ADGRL3: variants seen among roughly 807,000 people sequenced by gnomAD.
ADGRL3 encodes calcium-independent alpha-latrotoxin receptor 3.
A neutral mutation model predicts 153.5 loss-of-function variants in ADGRL3; 62 were observed. The observed-to-expected ratio is 0.40, with a 90% CI of 0.33 to 0.50. The LOEUF is 0.50. ADGRL3 is among the 20% of genes least tolerant of loss of function. The pLI, the probability that ADGRL3 is intolerant of heterozygous loss-of-function variation, is 0.47. For synonymous variants in ADGRL3, 710 were observed against 672.5 expected (o/e 1.06, Z -0.86); for missense variants, 1,641 against 1,859.4 (o/e 0.88, Z 2.16).
intron 1 of ADGRL3, among the ~76,000 whole-genome samples, chr4:61,232,943 T>C (rs966348672): frequency 6.6e-6 from 1 of 152,182 alleles, no homozygotes; most frequent in South Asian, 2.1e-4. Context: ...CTCATAGTTT[T>C]CTTGCCTCCA....
At chr4:61,441,602 C>G (rs335278) in intron 2 of ADGRL3, among the ~76,000 whole-genome samples, 141,194 of 151,548 alleles carry the variant, frequency 0.93, 66,618 homozygotes, top group East Asian at 1. Context: ...TCACTGCAAC[C>G]TCTGCCTCCT....
chr4:61,906,634 T>A (rs536791125), intron 11 of ADGRL3, among the ~76,000 whole-genome samples: 69 of 152,144 alleles, frequency 4.5e-4, no homozygotes, highest in African/African-American at 1.6e-3. Context: ...ATAGGAGCAA[T>A]ACAAATATAC....
chr4:61,309,746 AAGAT>A (rs2094928643), intron 1 of ADGRL3, among the ~76,000 whole-genome samples: 1 of 152,090 alleles, frequency 6.6e-6, no homozygotes, highest in African/African-American at 2.4e-5. Context: ...AAAAAAGTGA[AAGAT>A]AGGATTTAGT....
chr4:61,903,429 G>C (rs1380815900), intron 11 of ADGRL3, among the ~76,000 whole-genome samples: 2 of 152,122 alleles, frequency 1.3e-5, no homozygotes, highest in African/African-American at 4.8e-5. Flanking sequence ...GAGGGCAAGA[G>C]CTGTATAAGA....
chr4:61,634,882 G>T (rs1463674023), intron 5 of ADGRL3, among the ~76,000 whole-genome samples: 1 of 152,084 alleles, frequency 6.6e-6, no homozygotes, highest in Non-Finnish European at 1.5e-5. Flanking sequence ...TTTAATTTTT[G>T]GAATGAACAT....
chr4:61,737,139 G>GTGTC (rs1421452223), intron 8 of ADGRL3, among the ~76,000 whole-genome samples: 1 of 151,128 alleles, frequency 6.6e-6, no homozygotes, highest in Non-Finnish European at 1.5e-5. Context: ...TGGGTCCTAT[G>GTGTC]TGTCTATGTA....
chr4:61,844,220 C>T (rs1328780219), intron 9 of ADGRL3, among the ~76,000 whole-genome samples: 1 of 151,306 alleles, frequency 6.6e-6, no homozygotes, highest in East Asian at 2.0e-4. Context: ...AAATAGCAGT[C>T]AAAAAAGGGT....
intron 2 of ADGRL3, among the ~76,000 whole-genome samples, chr4:61,460,224 T>A (rs1413564534): frequency 6.6e-6 from 1 of 152,134 alleles, no homozygotes; most frequent in Non-Finnish European, 1.5e-5. Flanking sequence ...TACATTTAAG[T>A]CTTTAGAGTT....
chr4:61,878,142 C>A (rs1464289956), intron 9 of ADGRL3, among the ~76,000 whole-genome samples: 1 of 152,168 alleles, frequency 6.6e-6, no homozygotes, highest in Non-Finnish European at 1.5e-5. Context: ...AACCCACATC[C>A]TTTTGCTGTG....
intron 4 of ADGRL3, among the ~76,000 whole-genome samples, chr4:61,545,772 C>T (rs552795862): frequency 6.6e-6 from 1 of 152,268 alleles, no homozygotes; most frequent in Non-Finnish European, 1.5e-5. Context: ...GCCTCGGCCT[C>T]CCAAAGTGCT....
In ADGRL3 at chr4:61,744,015, T is replaced by G. The variant is rs183285440; in HGVS notation, c.1399+10461T>G. Reference sequence around the variant, plus strand: ...AATCAGGTCACTCCCACCCCCATACTGAGCTTTTCCGATGGGCTTAAAAAA... The same window carrying G: ...AATCAGGTCACTCCCACCCCCATACGGAGCTTTTCCGATGGGCTTAAAAAA... On this transcript the variant is annotated intron_variant, in intron 8 of 26. Transcript: ENST00000683033. Among the ~76,000 whole-genome samples the G allele has an allele frequency of 2.4e-3, 361 of 152,276 alleles. 3 individuals are homozygous for G. Among genetic ancestry groups the G allele is most frequent in the African/African-American group, 8.0e-3 (331 of 41,558 alleles).
chr4:61,975,815 C>A (rs929888863), intron 17 of ADGRL3, among the ~76,000 whole-genome samples: 11 of 152,046 alleles, frequency 7.2e-5, no homozygotes, highest in Non-Finnish European at 1.6e-4. Context: ...CAATATAACT[C>A]CTGAGTTTTT....
intron 1 of ADGRL3, among the ~76,000 whole-genome samples, chr4:61,266,571 G>C (rs1454495930): frequency 4.0e-5 from 6 of 151,696 alleles, no homozygotes; most frequent in Non-Finnish European, 7.4e-5. Context: ...TTCTGCAGTG[G>C]ATCCCATATT....
At chr4:61,361,135 A>C (rs79140763) in intron 1 of ADGRL3, among the ~76,000 whole-genome samples, 2 of 152,188 alleles carry the variant, frequency 1.3e-5, no homozygotes, top group African/African-American at 4.8e-5. Flanking sequence ...TGAGCATGCT[A>C]TCAGCTGCGT....
At chr4:61,747,007 A>G (rs2096672056) in intron 8 of ADGRL3, among the ~76,000 whole-genome samples, 1 of 152,204 alleles carries the variant, frequency 6.6e-6, no homozygotes, top group African/African-American at 2.4e-5. Flanking sequence ...TAGATGCAAT[A>G]AAAAATGATA....
intron 8 of ADGRL3, among the ~76,000 whole-genome samples, chr4:61,811,995 C>T (rs1380547918): frequency 2.6e-5 from 4 of 151,872 alleles, no homozygotes; most frequent in East Asian, 1.9e-4. Flanking sequence ...TACGATATTA[C>T]GATATTGTAG....
At chr4:61,831,897 G>C (rs551010601) in intron 9 of ADGRL3, among the ~76,000 whole-genome samples, 3 of 151,944 alleles carry the variant, frequency 2.0e-5, no homozygotes, top group Non-Finnish European at 4.4e-5. Flanking sequence ...GTAGCTGGCA[G>C]CAAGTCTCCG....
chr4:61,214,385 CAACTT>C (rs2148904335), intron 1 of ADGRL3, among the ~76,000 whole-genome samples: 3 of 152,252 alleles, frequency 2.0e-5, no homozygotes, highest in African/African-American at 7.2e-5. Flanking sequence ...TCTAAAGTAT[CAACTT>C]AATAAAACTT....
intron 2 of ADGRL3, among the ~76,000 whole-genome samples, chr4:61,484,939 T>C (rs2152751160): frequency 6.6e-6 from 1 of 152,260 alleles, no homozygotes; most frequent in South Asian, 2.1e-4. Flanking sequence ...TTTCAAAATG[T>C]GTCTTTGTAA....
Sources: gnomAD v4.1 joint callset for allele counts (sites outside exome capture counted in the v4.1 genomes callset) on GRCh38, gnomAD v4.1.1 for gene constraint, MANE v1.5 for transcripts, NCBI Gene and HGNC (gene_info 2026-07-23, HGNC 2026-07-21) for gene names.